The following SIGLEC7 variants were observed in gnomAD, a reference collection of about 807,000 sequenced individuals.
The protein encoded by SIGLEC7 is sialic acid binding Ig like lectin 7.
Under a neutral mutation model 40.8 loss-of-function variants are expected in SIGLEC7, and 33 were observed. That is an observed-to-expected ratio of 0.81 (90% CI 0.61 to 1.08). SIGLEC7 has a LOEUF of 1.08. SIGLEC7 is among the 50% of genes least tolerant of loss of function. SIGLEC7 has a pLI of 0.00. For synonymous variants in SIGLEC7, 242 were observed against 237.6 expected (o/e 1.02, Z -0.17); for missense variants, 513 against 576.1 (o/e 0.89, Z 1.12).
At position 51,145,728 on chromosome 19, in the gene SIGLEC7, G is replaced by C. The variant is rs778856769; in HGVS notation, c.761-127G>C. On this transcript the variant is annotated intron_variant, in intron 3 of 6. Transcript: ENST00000317643. This position sits in a 1 kb window ranked among gnomAD's most constrained non-coding sequence, Gnocchi z 4.3. ...CAAGTTTACATTCCCAACAGTGAGC[G>C]GTGAACATAAGTATGTCCCTGCACC... The C allele has an allele frequency of 2.0e-4, 212 of 1,042,860 alleles. No individual in the cohort carries two copies. Among genetic ancestry groups the C allele is most frequent in the Non-Finnish European group, 2.9e-4 (208 of 710,592 alleles). 64.6% of individuals were successfully genotyped at this position (1,042,860 alleles called of 1,614,324 possible). A position where few individuals can be genotyped will look rare whatever the true frequency, so the allele number is the denominator to read the frequency against.
chr19:51,147,061 G>T, intron 5 of SIGLEC7, 160 bp from the exon 6 acceptor site: 1 of 1,182,262 alleles, frequency 8.5e-7, no homozygotes, highest in Non-Finnish European at 1.2e-6. Flanking sequence ...CAGGAGGCAG[G>T]AGCCTCTGTT....
chr19:51,152,483 C>T (rs572872248), intron 6 of SIGLEC7, among the ~76,000 whole-genome samples: 2 of 152,304 alleles, frequency 1.3e-5, no homozygotes, highest in Admixed American at 1.3e-4. Flanking sequence ...CCCATACCAC[C>T]GAACTGTGAG....
In SIGLEC7 at chr19:51,147,414, C is replaced by T. The variant is rs1317109893; in HGVS notation, c.1221+97C>T. Reference sequence around the variant, plus strand: ...CTCTGCTTATCATGGCCAAAATTATCTCCTCATCTCCTCCTCCTTCCCACC... The same window carrying T: ...CTCTGCTTATCATGGCCAAAATTATTTCCTCATCTCCTCCTCCTTCCCACC... On this transcript the variant is annotated intron_variant, in intron 6 of 6. Coordinates refer to ENST00000317643, the MANE Select transcript of SIGLEC7 (RefSeq NM_014385.4). The T allele has an allele frequency of 4.4e-6, 4 of 911,556 alleles. No homozygotes were observed. The East Asian group carries it at 1.3e-4, about 29-fold the overall frequency. 56.5% of individuals were successfully genotyped at this position (911,556 alleles called of 1,614,324 possible). A position where few individuals can be genotyped will look rare whatever the true frequency, so the allele number is the denominator to read the frequency against.
chr19:51,144,345 T>A lies in SIGLEC7; in HGVS notation c.434-61T>A, dbSNP rs868649074. 4.7e-5 allele frequency: 71 copies of A among 1,525,598 alleles called. No homozygotes were observed. The African/African-American group carries it at 7.9e-4, about 17-fold the overall frequency. The allele number at this position is 1,525,598 out of a possible 1,614,324, so 94.5% of individuals were successfully genotyped here. ...GCAGAAGCTGAACCAGAGCCTGAGC[T>A]TCCCCCAGGGCTGTACCATGGATCC... On this transcript the variant is annotated intron_variant, in intron 1 of 6. Coordinates refer to ENST00000317643, the MANE Select transcript of SIGLEC7 (RefSeq NM_014385.4).
chr19:51,145,225 T>G lies in SIGLEC7; in HGVS notation c.760+266T>G, dbSNP rs1478003915. 6.6e-6 allele frequency among the ~76,000 whole-genome samples: 1 copy of G among 152,240 alleles called. No individual in the cohort carries two copies. The highest frequency in any genetic ancestry group is 6.5e-5 in the Admixed American group (1 of 15,282). On this transcript the variant is annotated intron_variant, in intron 3 of 6. Coordinates refer to ENST00000317643, the MANE Select transcript of SIGLEC7 (RefSeq NM_014385.4). This position sits in a 1 kb window ranked among gnomAD's most constrained non-coding sequence, Gnocchi z 4.3. ...ATATAGCAGGAGCAGCCTTTGGGCC[T>G]CTTATCTTCCATCTCCTGAATATGC... is the stretch of plus-strand genomic sequence containing the variant.
chr19:51,142,877 T>G lies in SIGLEC7; in HGVS notation c.433+75T>G, dbSNP rs1050263806. 6.9e-7 allele frequency: 1 copy of G among 1,457,918 alleles called. No individual in the cohort carries two copies. The highest frequency in any genetic ancestry group is 1.4e-5 in the African/African-American group (1 of 70,580). The allele number at this position is 1,457,918 out of a possible 1,614,324, so 90.3% of individuals were successfully genotyped here. A position where few individuals can be genotyped will look rare whatever the true frequency, so the allele number is the denominator to read the frequency against. On this transcript the variant is annotated intron_variant, in intron 1 of 6. Coordinates refer to ENST00000317643, the MANE Select transcript of SIGLEC7 (RefSeq NM_014385.4). The surrounding 1 kb of genome is among the most constrained non-coding windows in gnomAD (Gnocchi z 5.0). ...TAGGGCACGGCTGAGACGGGACACATGTCCTGGGAGGGGGCCGGGGGTGAT... is the reference window on the plus strand; with the variant it reads ...TAGGGCACGGCTGAGACGGGACACAGGTCCTGGGAGGGGGCCGGGGGTGAT...
intron 1 of SIGLEC7, among the ~76,000 whole-genome samples, chr19:51,143,050 A>G (rs961053095): frequency 1.3e-5 from 2 of 152,078 alleles, no homozygotes; most frequent in African/African-American, 4.8e-5. Flanking sequence ...GCATTGTGGC[A>G]TGTGGGGCCT....
In SIGLEC7 at chr19:51,153,323, TTAG is replaced by T; in HGVS notation, c.*79_*81del. On this transcript the variant is annotated 3_prime_UTR_variant, in exon 7 of 7. Transcript: ENST00000317643. ...GAGTCTGAGGCTGATTCCAGTAGAA[TTAG>T]CAGCCCTCAATGCTGTGCAACAAGA... The T allele has an allele frequency of 6.0e-6, 7 of 1,162,280 alleles. No homozygotes were observed. The highest frequency in any genetic ancestry group is 1.9e-5 in the South Asian group (1 of 51,510). 72.0% of individuals were successfully genotyped at this position (1,162,280 alleles called of 1,614,324 possible). A position where few individuals can be genotyped will look rare whatever the true frequency, so the allele number is the denominator to read the frequency against.
rs1039006775 is a variant in SIGLEC7, at chr19:51,145,711, C to G, written c.761-144C>G. ...CCTCAAATAAAGGTGGGCAAGTTTACATTCCCAACAGTGAGCGGTGAACAT... is the reference window on the plus strand; with the variant it reads ...CCTCAAATAAAGGTGGGCAAGTTTAGATTCCCAACAGTGAGCGGTGAACAT... On this transcript the variant is annotated intron_variant, in intron 3 of 6. Transcript: ENST00000317643. The surrounding 1 kb of genome is among the most constrained non-coding windows in gnomAD (Gnocchi z 4.3). 1.1e-6 allele frequency: 1 copy of G among 929,588 alleles called. No homozygotes were observed. Among genetic ancestry groups the G allele is most frequent in the Non-Finnish European group, 1.6e-6 (1 of 613,760 alleles). The allele number at this position is 929,588 out of a possible 1,614,324, so 57.6% of individuals were successfully genotyped here.
intron 6 of SIGLEC7, among the ~76,000 whole-genome samples, chr19:51,150,430 T>C (rs2092136348): frequency 6.6e-6 from 1 of 152,230 alleles, no homozygotes; most frequent in Admixed American, 6.5e-5. Context: ...TAGTTCTGTT[T>C]GTGTGGTGAA....
intron 1 of SIGLEC7, chr19:51,144,061 C>T (rs566105997): frequency 4.9e-6 from 3 of 610,206 alleles, no homozygotes; most frequent in South Asian, 2.8e-5. Context: ...GATTCCACCT[C>T]CTTGGGGACC....
chr19:51,142,464 G>A lies in SIGLEC7; in HGVS notation c.95G>A (p.Ser32Asn). 1 of 1,614,196 alleles carries A rather than the reference G, an allele frequency of 6.2e-7. No individual in the cohort carries two copies. Among genetic ancestry groups the A allele is most frequent in the Non-Finnish European group, 8.5e-7 (1 of 1,180,030 alleles). ...NRKDYSLTMQ[S>N]SVTVQEGMCV... Reference sequence around the variant, plus strand: ...AAGGATTACTCGCTGACGATGCAGAGTTCCGTGACCGTGCAAGAGGGCATG... The same window carrying A: ...AAGGATTACTCGCTGACGATGCAGAATTCCGTGACCGTGCAAGAGGGCATG... Residue 32 changes from serine to asparagine, a missense_variant, in exon 1 of 7, where the codon AGT becomes AAT. Coordinates refer to ENST00000317643, the MANE Select transcript of SIGLEC7 (RefSeq NM_014385.4). This position sits in a 1 kb window ranked among gnomAD's most constrained non-coding sequence, Gnocchi z 5.0.
At chr19:51,152,579 CAT>C (rs1479646132) in intron 6 of SIGLEC7, among the ~76,000 whole-genome samples, 1 of 152,180 alleles carries the variant, frequency 6.6e-6, no homozygotes, top group Non-Finnish European at 1.5e-5. Context: ...ATAATTCACA[CAT>C]AGATATTCGT....
rs768571164 is a variant in SIGLEC7, at chr19:51,147,219, A to T, written c.1125-2A>T. The T allele has an allele frequency of 9.3e-6, 15 of 1,612,084 alleles. No individual in the cohort carries two copies. In the East Asian group the frequency reaches 2.9e-4, roughly 31 times the overall value. On this transcript the variant is annotated splice_acceptor_variant, in intron 5 of 6. Coordinates refer to ENST00000317643, the MANE Select transcript of SIGLEC7 (RefSeq NM_014385.4). LOFTEE classifies it high-confidence loss of function. ...GAAAGGCTCTCTGGTCTCTTCACTCAGAGTGAGGTCCTGCAGGAAGAAATC... is the reference window on the plus strand; with the variant it reads ...GAAAGGCTCTCTGGTCTCTTCACTCTGAGTGAGGTCCTGCAGGAAGAAATC...
At position 51,146,768 on chromosome 19, in the gene SIGLEC7, G is replaced by A. The variant is rs1370646406; in HGVS notation, c.1042G>A (p.Val348Ile). Residue 348 changes from valine to isoleucine, a missense_variant, in exon 5 of 7, where the codon GTA becomes ATA. Physicochemically the swap from Val to Ile is conservative, Grantham distance 29. Transcript: ENST00000317643. ...QQEYTGKMRPVSGVLLGAVGG... is the reference protein window; with the variant it reads ...QQEYTGKMRPISGVLLGAVGG... ...TCCATCCTCAGGCAAAATGAGGCCT[G>A]TATCAGGAGTGTTGCTGGGGGCGGT... The A allele has an allele frequency of 1.2e-6, 2 of 1,613,794 alleles. No homozygotes were observed. Among genetic ancestry groups the A allele is most frequent in the Non-Finnish European group, 8.5e-7 (1 of 1,179,900 alleles).
chr19:51,152,464 G>A (rs1222772269), intron 6 of SIGLEC7, among the ~76,000 whole-genome samples: 1 of 152,186 alleles, frequency 6.6e-6, no homozygotes, highest in African/African-American at 2.4e-5. Flanking sequence ...CTTTGACTGA[G>A]TTGTCCTCCC....
At position 51,152,997 on chromosome 19, in the gene SIGLEC7, G is replaced by A. The variant is rs776419441; in HGVS notation, c.1222-66G>A. On this transcript the variant is annotated intron_variant, in intron 6 of 6. Coordinates refer to ENST00000317643, the MANE Select transcript of SIGLEC7 (RefSeq NM_014385.4). The stretch of plus-strand genomic sequence containing the variant: ...AACCAACCAACCGATCAAACAACTT[G>A]TGACTCTCCCTGCCTTATCCTATTT... 41 of 1,341,034 alleles carry A rather than the reference G, an allele frequency of 3.1e-5. 1 individual carries two copies. The highest frequency in any genetic ancestry group is 3.8e-5 in the Non-Finnish European group (39 of 1,018,612). 83.1% of individuals were successfully genotyped at this position (1,341,034 alleles called of 1,614,324 possible).
intron 1 of SIGLEC7, chr19:51,143,959 T>C: frequency 4.2e-6 from 2 of 472,808 alleles, no homozygotes; most frequent in South Asian, 1.7e-5. Context: ...GCCCTGTCCA[T>C]GGATGCTGGT....
In SIGLEC7 at chr19:51,142,558, C is replaced by T. The variant is rs1049865612; in HGVS notation, c.189C>T (p.Gly63=). The change falls in exon 1 of 7, where the codon GGC becomes GGT. Residue 63 remains glycine (G), a synonymous_variant. Transcript: ENST00000317643. This position sits in a 1 kb window ranked among gnomAD's most constrained non-coding sequence, Gnocchi z 5.0. ...AGACTGACTCTGACCCAGTTCATGG[C>T]TACTGGTTCCGGGCAGGGAATGATA... is the stretch of plus-strand genomic sequence containing the variant. The part of the protein sequence containing the change: ...DSQTDSDPVH[G]YWFRAGNDIS... The T allele has an allele frequency of 6.2e-7, 1 of 1,614,036 alleles. No individual in the cohort carries two copies. Among genetic ancestry groups the T allele is most frequent in the Admixed American group, 1.7e-5 (1 of 60,004 alleles).
Sources: gnomAD v4.1 joint callset for allele counts (sites outside exome capture counted in the v4.1 genomes callset) on GRCh38, gnomAD v4.1.1 for gene constraint, Gnocchi (gnomAD v3.1) non-coding constraint, MANE v1.5 for transcripts, NCBI Gene and HGNC (gene_info 2026-07-23, HGNC 2026-07-21) for gene names.